The following SYS1 variants were observed in gnomAD, a reference collection of about 807,000 sequenced individuals.
The protein encoded by SYS1 is SYS1 golgi trafficking protein, also known as protein SYS1 homolog.
SYS1 carries 8 observed loss-of-function variants against 17.8 expected under a neutral mutation model. The observed-to-expected ratio is 0.45, with a 90% CI of 0.26 to 0.81. The LOEUF is 0.81. SYS1 is among the 40% of genes least tolerant of loss of function. The pLI is 0.16. For synonymous variants in SYS1, 95 were observed against 90.9 expected, an observed-to-expected ratio of 1.05 and a Z score of -0.26; for missense variants, 161 against 203.9, an observed-to-expected ratio of 0.79 and a Z score of 1.28.
downstream of SYS1, chr20:45,374,158 A>G: frequency 1.4e-6 from 1 of 722,290 alleles, no homozygotes; most frequent in Non-Finnish European, 2.4e-6. Flanking sequence ...CCTTTAAGCT[A>G]GACCCGGTGG....
intron 2 of SYS1, among the ~76,000 whole-genome samples, chr20:45,365,044 C>T (rs1223123620): frequency 2.6e-5 from 4 of 152,122 alleles, no homozygotes; most frequent in East Asian, 3.9e-4. Context: ...GTTGTAGTCT[C>T]GTAGGAGACT....
At chr20:45,375,044 A>G (rs758595663) in exon 4 of SYS1, 4 of 1,612,752 alleles carry the variant, frequency 2.5e-6, no homozygotes, top group Non-Finnish European at 3.4e-6. Flanking sequence ...CCCACCTTGT[A>G]TGGATGCCAC....
In SYS1 at chr20:45,368,344, C is replaced by T. The variant is rs1988484450; in HGVS notation, c.*1229C>T. 4 of 985,390 alleles carry T rather than the reference C, an allele frequency of 4.1e-6. No homozygotes were observed. Among genetic ancestry groups the T allele is most frequent in the African/African-American group, 1.7e-5 (1 of 57,328 alleles). The allele number at this position is 985,390 out of a possible 1,614,324, so 61.0% of individuals were successfully genotyped here. A position where few individuals can be genotyped will look rare whatever the true frequency, so the allele number is the denominator to read the frequency against. The stretch of plus-strand genomic sequence containing the variant: ...GTGAACCACATAATTCTTGGGTTTC[C>T]GTTCCTACTTGCTAGTGATTTCTGA... On this transcript the variant is annotated 3_prime_UTR_variant, in exon 4 of 4. Coordinates refer to ENST00000243918, the MANE Select transcript of SYS1 (RefSeq NM_033542.4).
exon 4 of SYS1, chr20:45,374,717 A>C: frequency 2.2e-6 from 1 of 446,322 alleles, no homozygotes; most frequent in Non-Finnish European, 4.0e-6. Flanking sequence ...CCACTTATGT[A>C]GGCCTCTGAC....
chr20:45,376,186 G>C (rs1296038914), exon 4 of SYS1: 3 of 152,228 alleles, frequency 2.0e-5, no homozygotes, highest in Admixed American at 2.0e-4. Flanking sequence ...AAATCAGAAA[G>C]AGGAGCCCAG....
intron 2 of SYS1, 39 bp from the exon 3 acceptor site, chr20:45,365,580 C>T (rs1236709367): frequency 6.2e-7 from 1 of 1,603,986 alleles, no homozygotes; most frequent in East Asian, 2.2e-5. Context: ...TCTGCCAAGT[C>T]ACTTCTCCAG....
At chr20:45,363,444 C>T in intron 1 of SYS1, 85 bp from the exon 2 acceptor site, 3 of 1,491,406 alleles carry the variant, frequency 2.0e-6, no homozygotes, top group Non-Finnish European at 2.7e-6. Context: ...TGGGCTCACC[C>T]CTTGGTTCCA....
At position 45,375,196 on chromosome 20, in the gene SYS1, A is replaced by G. The variant is rs369791987; in HGVS notation, c.*902A>G. 3 of 1,614,090 alleles carry G rather than the reference A, an allele frequency of 1.9e-6. No individual in the cohort carries two copies. In the African/African-American group the frequency reaches 4.0e-5, roughly 22 times the overall value. On this transcript the variant is annotated 3_prime_UTR_variant, in exon 4 of 4. Transcript: ENST00000426004. ...CTCAAACCAGATCCACTGGTCGGCT[A>G]CATCCAGCTGCTTCATGTGCCCCAT... is the stretch of plus-strand genomic sequence containing the variant.
At chr20:45,373,970 C>T, downstream of SYS1, 1 of 1,614,114 alleles carries the variant, frequency 6.2e-7, no homozygotes, top group Non-Finnish European at 8.5e-7. Flanking sequence ...GCGATCTCCA[C>T]CCTCTGCTCG....
At chr20:45,362,039 C>G (rs536625546), upstream of SYS1, 27 of 984,844 alleles carry the variant, frequency 2.7e-5, no homozygotes, top group African/African-American at 4.5e-4. Context: ...AGTGAGTTAT[C>G]GATTTGCTCT....
chr20:45,367,725 A>T lies in SYS1; in HGVS notation c.*610A>T, dbSNP rs1988464342. On this transcript the variant is annotated 3_prime_UTR_variant, in exon 4 of 4. Coordinates refer to ENST00000243918, the MANE Select transcript of SYS1 (RefSeq NM_033542.4). ...CCCTGTTATACACACGTTCATGTGC[A>T]CCCAAGAACCTATGACTTTCTTCCA... The T allele has an allele frequency of 2.0e-6, 2 of 986,782 alleles. No individual in the cohort carries two copies. Among genetic ancestry groups the T allele is most frequent in the African/African-American group, 3.5e-5 (2 of 57,248 alleles). The allele number at this position is 986,782 out of a possible 1,614,324, so 61.1% of individuals were successfully genotyped here.
Position 45,367,565 on chromosome 20 carries a change from G to A in SYS1, c.*450G>A, listed in dbSNP as rs1042301680. ...ACCTTTGCAGTGTTGCCGAATCACA[G>A]CAGTTCTGTTGGAGAAACGCTTGGT... On this transcript the variant is annotated 3_prime_UTR_variant, in exon 4 of 4. Transcript: ENST00000243918. 3 of 997,172 alleles carry A rather than the reference G, an allele frequency of 3.0e-6. No individual in the cohort carries two copies. The highest frequency in any genetic ancestry group is 1.7e-5 in the African/African-American group (1 of 57,578). 61.8% of individuals were successfully genotyped at this position (997,172 alleles called of 1,614,324 possible).
intron 2 of SYS1, chr20:45,365,237 A>G (rs1191607599): frequency 1.1e-5 from 4 of 350,422 alleles, no homozygotes; most frequent in South Asian, 4.6e-5. Flanking sequence ...AGACAAATAT[A>G]TAAGTGAATA....
intron 2 of SYS1, among the ~76,000 whole-genome samples, chr20:45,364,085 C>G (rs1462286194): frequency 6.6e-6 from 1 of 152,116 alleles, no homozygotes; most frequent in East Asian, 1.9e-4. Context: ...GACAGGCGTC[C>G]GTTTAAGATC....
chr20:45,375,328 G>A lies in SYS1; in HGVS notation c.*1034G>A, dbSNP rs977186780. On this transcript the variant is annotated 3_prime_UTR_variant, in exon 4 of 4. Transcript: ENST00000426004. ...CAAGCTATCATCCCTCGATGTCCTT[G>A]GAACCTCAGGCTCTATATGCTTTTC... 1.9e-6 allele frequency: 3 copies of A among 1,614,140 alleles called. No individual in the cohort carries two copies. The Admixed American group carries it at 5.0e-5, about 27-fold the overall frequency.
chr20:45,371,514 C>T (rs1988560416), downstream of SYS1, among the ~76,000 whole-genome samples: 2 of 152,226 alleles, frequency 1.3e-5, no homozygotes, highest in South Asian at 2.1e-4. Flanking sequence ...GTAAGCACTA[C>T]TATTTCCCCC....
chr20:45,370,174 G>A (rs1037276663), downstream of SYS1, among the ~76,000 whole-genome samples: 2 of 152,122 alleles, frequency 1.3e-5, no homozygotes, highest in Non-Finnish European at 2.9e-5. Flanking sequence ...TGATCCACCC[G>A]CCTCAGCCTC....
At chr20:45,374,956 G>T in exon 4 of SYS1, 1 of 1,536,478 alleles carries the variant, frequency 6.5e-7, no homozygotes, top group South Asian at 1.3e-5. Context: ...TCCAGATCCT[G>T]AACCCTGACT....
At chr20:45,365,926 A>G in intron 3 of SYS1, 1 of 548,010 alleles carries the variant, frequency 1.8e-6, no homozygotes, top group Non-Finnish European at 3.3e-6. Flanking sequence ...TCCATCTCAG[A>G]TAACTTCCCT....
Sources: gnomAD v4.1 joint callset for allele counts (sites outside exome capture counted in the v4.1 genomes callset) on GRCh38, gnomAD v4.1.1 for gene constraint, MANE v1.5 for transcripts, NCBI Gene and HGNC (gene_info 2026-07-23, HGNC 2026-07-21) for gene names.